NPEPL1: variants seen among roughly 807,000 people sequenced by gnomAD.
NPEPL1 encodes the protein aminopeptidase like 1.
NPEPL1 carries 45 observed loss-of-function variants against 52.4 expected under a neutral mutation model. The observed-to-expected ratio is 0.86, with a 90% CI of 0.68 to 1.10. The LOEUF is 1.10. NPEPL1 is among the 50% of genes least tolerant of loss of function. The pLI is 0.00. For missense variants in NPEPL1, 696 were observed against 710.9 expected (o/e 0.98, Z 0.24); for synonymous variants, 360 against 314.7 (o/e 1.14, Z -1.52).
At chr20:58,699,335 T>C in intron 5 of NPEPL1, 57 bp downstream of exon 5, 1 of 1,384,324 alleles carries the variant, frequency 7.2e-7, no homozygotes, top group Non-Finnish European at 9.9e-7. Context: ...CAGGGGCACT[T>C]GGGTGGCAGG....
At chr20:58,691,364 C>CTT (rs59929508), upstream of NPEPL1, 460 of 177,298 alleles carry the variant, frequency 2.6e-3, 137 homozygotes, top group Non-Finnish European at 3.4e-3. Context: ...CATTCAACAG[C>CTT]TTTTTTTTTT....
At chr20:58,707,618 C>T (rs1034485330) in intron 7 of NPEPL1, among the ~76,000 whole-genome samples, 1 of 152,050 alleles carries the variant, frequency 6.6e-6, no homozygotes. Flanking sequence ...GTCACCACCT[C>T]CAACCCCCAG....
chr20:58,693,974 A>T, intron 2 of NPEPL1, 52 bp downstream of exon 2: 3 of 1,494,430 alleles, frequency 2.0e-6, no homozygotes, highest in Non-Finnish European at 2.7e-6. Flanking sequence ...GGCAGCGGTG[A>T]GCTCGGGCCT....
chr20:58,690,102 G>C (rs1368042491), upstream of NPEPL1, among the ~76,000 whole-genome samples: 2 of 152,186 alleles, frequency 1.3e-5, no homozygotes, highest in Non-Finnish European at 2.9e-5. Context: ...AACACCTAGA[G>C]CCATCTTACA....
At chr20:58,704,502 CAT>C (rs10546381) in intron 6 of NPEPL1, 180,899 of 396,754 alleles carry the variant, frequency 0.46, 43,993 homozygotes, top group Non-Finnish European at 0.5. Context: ...TTAAAAATAA[CAT>C]ATAAATCCAT....
chr20:58,715,177 G>C lies in NPEPL1; in HGVS notation c.1423G>C (p.Ala475Pro), dbSNP rs557860572. Residue 475 changes from alanine to proline, a missense_variant, in exon 12 of 12, where the codon GCC (alanine) becomes CCC (proline). Coordinates refer to ENST00000356091, the MANE Select transcript of NPEPL1 (RefSeq NM_024663.4). ...IAAPVHAGERATGFGVALLLA... is the reference protein window; with the variant it reads ...IAAPVHAGERPTGFGVALLLA... Reference sequence around the variant, plus strand: ...TGCCCTTTGCTTGCAGGGTGAGCGAGCCACAGGCTTCGGTGTGGCCCTCCT... The same window carrying C: ...TGCCCTTTGCTTGCAGGGTGAGCGACCCACAGGCTTCGGTGTGGCCCTCCT... The C allele has an allele frequency of 1.9e-6, 3 of 1,605,066 alleles. No individual in the cohort carries two copies. The highest frequency in any genetic ancestry group is 2.2e-5 in the South Asian group (2 of 89,762).
chr20:58,694,490 C>CCA lies in NPEPL1; in HGVS notation c.407_408dup (p.Arg137ThrfsTer36). The CCA allele has an allele frequency of 6.2e-7, 1 of 1,614,006 alleles. No homozygotes were observed. Among genetic ancestry groups the CCA allele is most frequent in the Non-Finnish European group, 8.5e-7 (1 of 1,179,870 alleles). On this transcript the variant is annotated frameshift_variant, in exon 3 of 12. Transcript: ENST00000356091. LOFTEE classifies it high-confidence loss of function. Reference sequence around the variant, plus strand: ...TGGCCCGGGCCTTCCCGCTGTTCACCCACCGCTCAGGTGCCTCTCGGCGCT... The same window carrying CCA: ...TGGCCCGGGCCTTCCCGCTGTTCACCCACACCGCTCAGGTGCCTCTCGGCGCT...
intron 11 of NPEPL1, 114 bp downstream of exon 11, chr20:58,714,784 C>A: frequency 1.2e-6 from 1 of 828,716 alleles, no homozygotes; most frequent in South Asian, 1.7e-5. Context: ...GTCTGTGACC[C>A]AGCTTCCAGC....
chr20:58,701,559 G>A (rs1808684425), intron 6 of NPEPL1, among the ~76,000 whole-genome samples: 1 of 152,126 alleles, frequency 6.6e-6, no homozygotes, highest in South Asian at 2.1e-4. Flanking sequence ...CCCTTCAGAA[G>A]GGTCTGGAAA....
chr20:58,690,871 T>C (rs989427476), upstream of NPEPL1, among the ~76,000 whole-genome samples: 2 of 152,244 alleles, frequency 1.3e-5, no homozygotes, highest in Non-Finnish European at 2.9e-5. Context: ...TCTGGCTTTC[T>C]GAAATGCTTC....
At chr20:58,694,215 A>G (rs545975833) in intron 2 of NPEPL1, among the ~76,000 whole-genome samples, 2 of 152,180 alleles carry the variant, frequency 1.3e-5, no homozygotes, top group South Asian at 4.1e-4. Context: ...CTGGTGGCCA[A>G]TGTGTTATTT....
At chr20:58,703,045 T>C (rs759549062) in intron 6 of NPEPL1, among the ~76,000 whole-genome samples, 26 of 152,228 alleles carry the variant, frequency 1.7e-4, no homozygotes, top group Non-Finnish European at 3.5e-4. Flanking sequence ...GTGTTTTATT[T>C]TGGGTCCTCT....
intron 3 of NPEPL1, among the ~76,000 whole-genome samples, chr20:58,695,007 T>G (rs2084435546): frequency 4.9e-5 from 6 of 122,112 alleles, no homozygotes; most frequent in Non-Finnish European, 8.6e-5. Context: ...TGTGTGTGCA[T>G]GTGTGATGTG....
At chr20:58,710,922 TC>T in intron 7 of NPEPL1, 1 of 152,406 alleles carries the variant, frequency 6.6e-6, no homozygotes, top group Non-Finnish European at 1.5e-5. Context: ...TCAAGTGGGG[TC>T]CCCATGTTGT....
At chr20:58,698,488 A>C (rs541268659) in intron 3 of NPEPL1, among the ~76,000 whole-genome samples, 196 bp from the exon 4 acceptor site, 2 of 152,204 alleles carry the variant, frequency 1.3e-5, no homozygotes, top group East Asian at 3.9e-4. Flanking sequence ...TTCTTTCTAC[A>C]GGTGGCCGGT....
upstream of NPEPL1, chr20:58,691,702 T>TTTTTTTTTTTTTTCTTTTTTTA: frequency 1.4e-6 from 1 of 734,652 alleles, no homozygotes; most frequent in Non-Finnish European, 2.1e-6. Flanking sequence ...TCTTTTTTTT[T>TTTTTTTTTTTTTTCTTTTTTTA]TTTTTTTTTT....
intron 7 of NPEPL1, among the ~76,000 whole-genome samples, chr20:58,710,053 C>T (rs6026464): frequency 0.97 from 135,146 of 138,760 alleles, 65,777 homozygotes; most frequent in East Asian, 0.99. Context: ...TTTTTTTTTT[C>T]CCCGAGATGG....
intron 6 of NPEPL1, chr20:58,705,624 G>T (rs933433162): frequency 4.5e-6 from 2 of 440,190 alleles, no homozygotes; most frequent in Non-Finnish European, 9.3e-6. Context: ...CTGCGAAAAT[G>T]GTTTCTTCTA....
intron 3 of NPEPL1, 111 bp downstream of exon 3, chr20:58,694,703 C>A: frequency 1.7e-6 from 2 of 1,177,174 alleles, no homozygotes; most frequent in Non-Finnish European, 1.2e-6. Context: ...GGGGTTCCTG[C>A]CCTTCCCAGG....
Sources: gnomAD v4.1 joint callset for allele counts (sites outside exome capture counted in the v4.1 genomes callset) on GRCh38, gnomAD v4.1.1 for gene constraint, MANE v1.5 for transcripts, NCBI Gene and HGNC (gene_info 2026-07-23, HGNC 2026-07-21) for gene names.